Variants in RANBP9 observed in about 807,000 individuals in gnomAD.
RANBP9 encodes RAN binding protein 9.
In RANBP9, 15 loss-of-function variants were observed where a neutral mutation model predicts 84.3. That is an observed-to-expected ratio of 0.18 (90% confidence interval 0.12 to 0.27). RANBP9 has a LOEUF of 0.27. Ranked by LOEUF, RANBP9 falls within the 10% of genes least tolerant of loss-of-function variation. RANBP9 has a pLI of 1.00. For missense variants in RANBP9, 809 were observed against 912.8 expected (o/e 0.89, Z 1.46); for synonymous variants, 392 against 349.6 (o/e 1.12, Z -1.35).
At chr6:13,695,542 T>C (rs1027389599) in intron 2 of RANBP9, among the ~76,000 whole-genome samples, 1 of 152,000 alleles carries the variant, frequency 6.6e-6, no homozygotes, top group African/African-American at 2.4e-5. Flanking sequence ...AGCATTAGAT[T>C]TGAGAATCAT....
rs1259302390 is a variant in RANBP9, at chr6:13,711,773, G to A, written c.-268C>T. ...ACGAGGCGCCGAGGGCGGGGGCGAC[G>A]CGGGAGCGCGGGAGGGGAAGGCGCG... On this transcript the variant is annotated 5_prime_UTR_variant, in exon 1 of 14. Coordinates refer to ENST00000011619, the MANE Select transcript of RANBP9 (RefSeq NM_005493.3). 6.8e-6 allele frequency among the ~76,000 whole-genome samples: 1 copy of A among 147,096 alleles called. No homozygotes were observed. Among genetic ancestry groups the A allele is most frequent in the Non-Finnish European group, 1.5e-5 (1 of 66,120 alleles).
At chr6:13,633,624 AGAACTCCT>A (rs1764851706) in intron 11 of RANBP9, among the ~76,000 whole-genome samples, 1 of 152,244 alleles carries the variant, frequency 6.6e-6, no homozygotes, top group Non-Finnish European at 1.5e-5. Context: ...ATCTGGCTCT[AGAACTCCT>A]GCTCTTTATC....
At chr6:13,672,643 A>G (rs1176178083) in intron 2 of RANBP9, among the ~76,000 whole-genome samples, 1 of 152,146 alleles carries the variant, frequency 6.6e-6, no homozygotes, top group Non-Finnish European at 1.5e-5. Flanking sequence ...AAAAAATTGC[A>G]AGGCATGTAA....
chr6:13,711,782 C>T lies in RANBP9; in HGVS notation c.-277G>A, dbSNP rs1355600943. Among the ~76,000 whole-genome samples the T allele has an allele frequency of 2.1e-5, 3 of 146,176 alleles. No individual in the cohort carries two copies. Among genetic ancestry groups the T allele is most frequent in the South Asian group, 4.2e-4 (2 of 4,778 alleles). ...CGAGGGCGGGGGCGACGCGGGAGCG[C>T]GGGAGGGGAAGGCGCGCTGGCGGCC... On this transcript the variant is annotated 5_prime_UTR_variant, in exon 1 of 14. Transcript: ENST00000011619.
chr6:13,648,360 A>G (rs987291916), intron 5 of RANBP9, among the ~76,000 whole-genome samples: 1 of 151,768 alleles, frequency 6.6e-6, no homozygotes, highest in Non-Finnish European at 1.5e-5. Flanking sequence ...GTTGGCCAGG[A>G]TAGTCTTGAT....
chr6:13,702,873 T>C (rs1486016030), intron 1 of RANBP9, among the ~76,000 whole-genome samples: 1 of 152,188 alleles, frequency 6.6e-6, no homozygotes, highest in Non-Finnish European at 1.5e-5. Flanking sequence ...ATCTGGTTTT[T>C]GCCCCATCAC....
chr6:13,634,194 G>A (rs887800387), intron 11 of RANBP9, among the ~76,000 whole-genome samples: 18 of 152,138 alleles, frequency 1.2e-4, no homozygotes, highest in Non-Finnish European at 2.2e-4. Flanking sequence ...TAGTGACAGC[G>A]CTAAACCTGA....
intron 2 of RANBP9, among the ~76,000 whole-genome samples, chr6:13,691,304 T>C (rs780133221): frequency 1.4e-4 from 22 of 152,260 alleles, no homozygotes; most frequent in Non-Finnish European, 2.2e-4. Context: ...ATACAAAACT[T>C]AGGTTCAGTT....
intron 5 of RANBP9, among the ~76,000 whole-genome samples, chr6:13,645,503 C>T (rs191939105): frequency 2.1e-4 from 32 of 152,286 alleles, no homozygotes; most frequent in African/African-American, 5.5e-4. Context: ...TTGGTTGTTA[C>T]ATCTAAAGGC....
intron 2 of RANBP9, among the ~76,000 whole-genome samples, chr6:13,680,621 T>C (rs1766012180): frequency 6.6e-6 from 1 of 152,006 alleles, no homozygotes; most frequent in Non-Finnish European, 1.5e-5. Flanking sequence ...CTGAGCATAG[T>C]GGTGCGCACC....
chr6:13,709,327 T>C (rs981318242), intron 1 of RANBP9, among the ~76,000 whole-genome samples: 1 of 152,206 alleles, frequency 6.6e-6, no homozygotes, highest in Non-Finnish European at 1.5e-5. Flanking sequence ...TTGTAAAATA[T>C]CTACAACCAC....
chr6:13,640,470 A>C (rs1183817738), intron 8 of RANBP9, among the ~76,000 whole-genome samples: 1 of 152,218 alleles, frequency 6.6e-6, no homozygotes, highest in Admixed American at 6.5e-5. Flanking sequence ...TTCACAGCAG[A>C]ATTATTCATA....
intron 2 of RANBP9, 89 bp downstream of exon 2, chr6:13,696,696 C>T: frequency 9.0e-7 from 1 of 1,107,670 alleles, no homozygotes; most frequent in South Asian, 1.6e-5. Flanking sequence ...GCAAAATTTC[C>T]AGGATTCCAA....
chr6:13,688,696 T>A (rs987491724), intron 2 of RANBP9, among the ~76,000 whole-genome samples: 6 of 151,302 alleles, frequency 4.0e-5, no homozygotes, highest in Admixed American at 2.0e-4. Context: ...TTTTTTTAAA[T>A]CTCTATCACA....
intron 2 of RANBP9, among the ~76,000 whole-genome samples, chr6:13,670,225 G>A (rs568137816): frequency 1.1e-4 from 16 of 151,884 alleles, no homozygotes; most frequent in African/African-American, 3.9e-4. Context: ...CCTGGGAGGC[G>A]GAGGTTGCAG....
chr6:13,642,545 C>T lies in RANBP9; in HGVS notation c.1159G>A (p.Glu387Lys), dbSNP rs1264597875. Residue 387 changes from glutamate (E) to lysine (K), a missense_variant, in exon 7 of 14, where the codon GAG becomes AAG. Around this residue, in one of 5 missense-constraint regions of RANBP9, gnomAD observed 216 missense variants for 329.0 expected, o/e 0.66. Transcript: ENST00000011619. ...LVHHGYCATA[E>K]AFARSTDQTV... ...TGGTCTGTAGATCTGGCAAAGGCCT[C>T]TGCTGTGGCACAGTACCCATGGTGG... The T allele has an allele frequency of 6.2e-7, 1 of 1,612,154 alleles. No individual in the cohort carries two copies. Among genetic ancestry groups the T allele is most frequent in the East Asian group, 2.2e-5 (1 of 44,716 alleles).
rs370139112 is a variant in RANBP9 at position 13,706,416 on chromosome 6, T to C, written c.571+4519A>G. ...TTCAATTAAAAAGTGAAATTCTGGC[T>C]GGGCACTGTGGCTCACGCCTGTAAT... is the stretch of plus-strand genomic sequence containing the variant. On this transcript the variant is annotated intron_variant, in intron 1 of 13. Transcript: ENST00000011619. 7.0e-4 allele frequency among the ~76,000 whole-genome samples: 105 copies of C among 150,700 alleles called. 1 individual carries two copies. In the South Asian group the frequency reaches 0.02, roughly 28 times the overall value.
chr6:13,662,631 G>A (rs564688599), intron 2 of RANBP9, among the ~76,000 whole-genome samples: 2 of 152,274 alleles, frequency 1.3e-5, no homozygotes, highest in East Asian at 1.9e-4. Context: ...GGACACATAG[G>A]TGTTTTCTAT....
chr6:13,652,702 G>A, intron 4 of RANBP9, 21 bp from the exon 5 acceptor site: 1 of 1,583,874 alleles, frequency 6.3e-7, no homozygotes, highest in Middle Eastern at 1.7e-4. Flanking sequence ...AAAAAAAAGT[G>A]GCATTAGAAG....
Sources: allele counts gnomAD v4.1 joint callset (sites outside exome capture counted in the v4.1 genomes callset), GRCh38; gene constraint gnomAD v4.1.1; regional missense constraint gnomAD v4.1.1; transcripts MANE v1.5; gene names NCBI Gene and HGNC (gene_info 2026-07-23, HGNC 2026-07-21).